The following ZNF804B variants were observed in gnomAD, a reference collection of about 807,000 sequenced individuals.
ZNF804B encodes the protein zinc finger 804B.
ZNF804B carries 80 observed loss-of-function variants against 101.4 expected under a neutral mutation model. The observed-to-expected ratio is 0.79, with a 90% CI of 0.66 to 0.95. The LOEUF (loss-of-function observed/expected upper bound fraction) is 0.95, where lower values mean the gene tolerates loss of function less well. Among genes scored for constraint, ZNF804B ranks in the 40% least tolerant of loss-of-function variants. The pLI, the probability that ZNF804B is intolerant of heterozygous loss-of-function variation, is 0.00. For missense variants in ZNF804B, 1,673 were observed against 1,561.9 expected (o/e 1.07, Z -1.20); for synonymous variants, 622 against 558.8 (o/e 1.11, Z -1.59).
chr7:89,061,475 C>T (rs1235675300), intron 1 of ZNF804B, among the ~76,000 whole-genome samples: 1 of 151,966 alleles, frequency 6.6e-6, no homozygotes, highest in Non-Finnish European at 1.5e-5. Context: ...AAAATTTCAA[C>T]TACCACCTAC....
chr7:89,219,886 T>C (rs1196402054), intron 2 of ZNF804B, among the ~76,000 whole-genome samples: 2 of 78,380 alleles, frequency 2.6e-5, no homozygotes, highest in African/African-American at 8.6e-5. Context: ...TATATGTGTG[T>C]ATATATGTAT....
intron 1 of ZNF804B, among the ~76,000 whole-genome samples, chr7:89,099,478 C>A (rs536117199): frequency 6.6e-6 from 1 of 152,188 alleles, no homozygotes; most frequent in African/African-American, 2.4e-5. Context: ...CCTCTAGGGG[C>A]TGGGAAAAGG....
At chr7:88,982,113 C>G (rs1036177841) in intron 1 of ZNF804B, among the ~76,000 whole-genome samples, 1 of 151,934 alleles carries the variant, frequency 6.6e-6, no homozygotes, top group Admixed American at 6.6e-5. Flanking sequence ...CTATCTGTGA[C>G]TTGGGGGCTC....
chr7:88,878,523 A>G (rs1171731075), intron 1 of ZNF804B, among the ~76,000 whole-genome samples: 3 of 152,152 alleles, frequency 2.0e-5, no homozygotes, highest in African/African-American at 7.2e-5. Flanking sequence ...TCAAGAGTAA[A>G]CATAAGTAAA....
chr7:89,052,523 T>G (rs1789222851), intron 1 of ZNF804B, among the ~76,000 whole-genome samples: 1 of 152,154 alleles, frequency 6.6e-6, no homozygotes, highest in Non-Finnish European at 1.5e-5. Flanking sequence ...CATTGAACAT[T>G]ACAATTTAAA....
At chr7:88,818,724 A>G (rs1296885543) in intron 1 of ZNF804B, among the ~76,000 whole-genome samples, 1 of 152,190 alleles carries the variant, frequency 6.6e-6, no homozygotes, top group African/African-American at 2.4e-5. Context: ...CTCCTCTGCC[A>G]CTTAGTTACT....
chr7:88,961,465 G>A (rs1310749706), intron 1 of ZNF804B, among the ~76,000 whole-genome samples: 2 of 151,328 alleles, frequency 1.3e-5, no homozygotes, highest in Non-Finnish European at 3.0e-5. Flanking sequence ...ATCCACAAAG[G>A]AAACATCTTT....
At chr7:89,205,961 C>G (rs1788708714) in intron 1 of ZNF804B, among the ~76,000 whole-genome samples, 1 of 152,232 alleles carries the variant, frequency 6.6e-6, no homozygotes, top group South Asian at 2.1e-4. Context: ...TCCATACATC[C>G]TCTGAAATCT....
chr7:89,297,514 T>A (rs745896436), intron 2 of ZNF804B, among the ~76,000 whole-genome samples: 5 of 152,198 alleles, frequency 3.3e-5, no homozygotes, highest in Admixed American at 6.5e-5. Context: ...CTATGATAGG[T>A]AAATCGTAAT....
At chr7:88,797,376 G>A (rs182198896) in intron 1 of ZNF804B, among the ~76,000 whole-genome samples, 1 of 152,200 alleles carries the variant, frequency 6.6e-6, no homozygotes, top group East Asian at 1.9e-4. Context: ...GAAACCATAA[G>A]CCCTTTGATA....
At chr7:88,827,127 C>T (rs978786147) in intron 1 of ZNF804B, among the ~76,000 whole-genome samples, 4 of 151,960 alleles carry the variant, frequency 2.6e-5, no homozygotes, top group African/African-American at 9.7e-5. Context: ...TTGGGAAACA[C>T]TATTTTAAAC....
chr7:89,265,315 T>C (rs1474069862), intron 2 of ZNF804B, among the ~76,000 whole-genome samples: 2 of 129,088 alleles, frequency 1.5e-5, no homozygotes, highest in Admixed American at 8.1e-5. Context: ...CGCGCACACA[T>C]GCACGTGCAC....
intron 1 of ZNF804B, among the ~76,000 whole-genome samples, chr7:88,788,268 GC>G (rs1333626871): frequency 6.6e-6 from 1 of 151,980 alleles, no homozygotes; most frequent in Admixed American, 6.6e-5. Context: ...TGGCAACAAG[GC>G]CCTACATAGT....
chr7:89,137,528 G>T (rs1357324082), intron 1 of ZNF804B, among the ~76,000 whole-genome samples: 1 of 152,010 alleles, frequency 6.6e-6, no homozygotes, highest in Non-Finnish European at 1.5e-5. Flanking sequence ...GAGATCTGTG[G>T]AACTTTGAAA....
chr7:89,175,177 C>G (rs1562905758), intron 1 of ZNF804B, among the ~76,000 whole-genome samples: 6 of 151,828 alleles, frequency 4.0e-5, no homozygotes, highest in Non-Finnish European at 1.5e-5. Context: ...GAGAGTTTCC[C>G]CAAAGTTTTC....
rs570868131 is a variant in ZNF804B at position 89,217,510 on chromosome 7, A to G, written c.109-645A>G. On this transcript the variant is annotated intron_variant, in intron 1 of 3. Coordinates refer to ENST00000333190, the MANE Select transcript of ZNF804B (RefSeq NM_181646.5). ...TTATACTCAGTAAACATTTGCCACT[A>G]TTATTCTATAATCAAAGAGATTCTA... Among the ~76,000 whole-genome samples the G allele has an allele frequency of 8.5e-5, 13 of 152,350 alleles. No individual in the cohort carries two copies. In the South Asian group the frequency reaches 2.7e-3, roughly 32 times the overall value.
chr7:88,944,482 G>T (rs1793098753), intron 1 of ZNF804B, among the ~76,000 whole-genome samples: 1 of 151,086 alleles, frequency 6.6e-6, no homozygotes. Context: ...TTGCATTCTG[G>T]ATGCAAGTTT....
intron 1 of ZNF804B, among the ~76,000 whole-genome samples, chr7:88,811,288 T>C (rs1790781844): frequency 6.6e-6 from 1 of 151,986 alleles, no homozygotes; most frequent in Admixed American, 6.5e-5. Context: ...TTAGAGAAAA[T>C]TAAAACCACA....
At chr7:89,320,490 C>G (rs558226278) in intron 2 of ZNF804B, among the ~76,000 whole-genome samples, 1 of 152,056 alleles carries the variant, frequency 6.6e-6, no homozygotes, top group South Asian at 2.1e-4. Flanking sequence ...CACAAAAAAA[C>G]AGTGCCAAAT....
Sources: allele counts gnomAD v4.1 joint callset (sites outside exome capture counted in the v4.1 genomes callset), GRCh38; gene constraint gnomAD v4.1.1; transcripts MANE v1.5; gene names NCBI Gene and HGNC (gene_info 2026-07-23, HGNC 2026-07-21).